DDOST: variants seen among roughly 807,000 people sequenced by gnomAD.
The protein encoded by DDOST is dolichyl-diphosphooligosaccharide--protein glycosyltransferase 48 kDa subunit.
Under a neutral mutation model 47.6 loss-of-function variants are expected in DDOST, and 25 were observed. The ratio of observed to expected loss-of-function variants is 0.53; its 90% CI spans 0.38 to 0.73. DDOST has a LOEUF of 0.73. Ranked by LOEUF, DDOST falls within the 30% of genes least tolerant of loss-of-function variation. The pLI is 0.00. For synonymous variants in DDOST, 275 were observed against 236.0 expected, an observed-to-expected ratio of 1.17 and a Z score of -1.51; for missense variants, 526 against 573.9, an observed-to-expected ratio of 0.92 and a Z score of 0.85.
Position 20,655,691 on chromosome 1 carries a change from G to A in DDOST, c.441C>T (p.Ile147=), listed in dbSNP as rs1159668224. 6.2e-7 allele frequency: 1 copy of A among 1,613,770 alleles called. No individual in the cohort carries two copies. Among genetic ancestry groups the A allele is most frequent in the African/African-American group, 1.3e-5 (1 of 74,910 alleles). ...GCCTGATTACCTGGCCAAGGTCTGA[G>A]ATGTCATAGTTGTGATGGTCAATGA... ...TAVIDHHNYD[I]SDLGQHTLIV... Residue 147 remains isoleucine (I), a synonymous_variant, in exon 4 of 11, where the codon ATC becomes ATT. Coordinates refer to ENST00000602624, the MANE Select transcript of DDOST (RefSeq NM_005216.5).
chr1:20,661,365 C>G lies in DDOST; in HGVS notation c.-15G>C. ...CTGGGCTCCATCTTCCTCCTCCTGC[C>G]GAAGGACCCAGCACGTGCACACCGG... On this transcript the variant is annotated 5_prime_UTR_variant, in exon 1 of 11. Coordinates refer to ENST00000602624, the MANE Select transcript of DDOST (RefSeq NM_005216.5). 4 of 1,612,714 alleles carry G rather than the reference C, an allele frequency of 2.5e-6. No individual in the cohort carries two copies. Among genetic ancestry groups the G allele is most frequent in the South Asian group, 1.1e-5 (1 of 90,974 alleles).
chr1:20,653,262 A>G (rs1472426521), intron 8 of DDOST, among the ~76,000 whole-genome samples: 2 of 152,224 alleles, frequency 1.3e-5, no homozygotes, highest in African/African-American at 2.4e-5. Flanking sequence ...CTGCCCCGAC[A>G]TGTGCCAGGC....
At chr1:20,659,772 A>C (rs934555149) in intron 2 of DDOST, among the ~76,000 whole-genome samples, 4 of 152,206 alleles carry the variant, frequency 2.6e-5, no homozygotes, top group Non-Finnish European at 1.5e-5. Flanking sequence ...CATGAACTAC[A>C]GAGAATAAAG....
At chr1:20,653,400 C>T (rs769169259) in intron 8 of DDOST, among the ~76,000 whole-genome samples, 1 of 152,226 alleles carries the variant, frequency 6.6e-6, no homozygotes, top group Admixed American at 6.5e-5. Flanking sequence ...CCACTGCTGC[C>T]CCCCATAGCA....
intron 2 of DDOST, among the ~76,000 whole-genome samples, chr1:20,658,149 C>G (rs2053395874): frequency 6.6e-6 from 1 of 152,260 alleles, no homozygotes; most frequent in Non-Finnish European, 1.5e-5. Flanking sequence ...AGGCAAATCC[C>G]TTCACCCTTC....
At chr1:20,657,296 C>T (rs1386706643) in intron 2 of DDOST, among the ~76,000 whole-genome samples, 2 of 152,154 alleles carry the variant, frequency 1.3e-5, no homozygotes, top group Admixed American at 6.5e-5. Flanking sequence ...AGGGACCTGC[C>T]GTGGGGAGCC....
Position 20,653,680 on chromosome 1 carries a change from G to A in DDOST, c.889C>T (p.His297Tyr). 6.2e-7 allele frequency: 1 copy of A among 1,613,908 alleles called. No homozygotes were observed. Among genetic ancestry groups the A allele is most frequent in the Non-Finnish European group, 8.5e-7 (1 of 1,179,850 alleles). ...GVLRVGPVSH[H>Y]RVGETAPPNA... ...GGTGGGGCTGTCTCGCCCACCCGAT[G>A]ATGGGACACAGGCCCCACACGGAGG... Residue 297 changes from histidine to tyrosine, a missense_variant, in exon 8 of 11, where the codon CAT (histidine) becomes TAT (tyrosine). Coordinates refer to ENST00000602624, the MANE Select transcript of DDOST (RefSeq NM_005216.5).
intron 7 of DDOST, 29 bp from the exon 8 acceptor site, chr1:20,653,803 G>A: frequency 6.2e-7 from 1 of 1,602,480 alleles, no homozygotes; most frequent in Non-Finnish European, 8.5e-7. Flanking sequence ...AGCAGCTTGG[G>A]CACCAGAGCC....
chr1:20,653,080 CAGG>C (rs1196731441), intron 8 of DDOST, 109 bp from the exon 9 acceptor site: 2 of 1,436,570 alleles, frequency 1.4e-6, no homozygotes, highest in Non-Finnish European at 1.9e-6. Flanking sequence ...CAGGAATGCC[CAGG>C]AGTTCAGAAG....
intron 1 of DDOST, 38 bp from the exon 2 acceptor site, chr1:20,661,029 C>A (rs764152311): frequency 6.5e-7 from 1 of 1,542,258 alleles, no homozygotes; most frequent in East Asian, 2.2e-5. Context: ...GAAGACGGGA[C>A]GCGAAGGGAA....
At chr1:20,654,177 C>T (rs1233592317) in intron 7 of DDOST, 46 bp downstream of exon 7, 2 of 1,548,532 alleles carry the variant, frequency 1.3e-6, no homozygotes, top group South Asian at 2.4e-5. Context: ...CATATACACA[C>T]ACTGCACCAC....
At position 20,652,067 on chromosome 1, in the gene DDOST, C is replaced by T. The variant is rs528452917; in HGVS notation, c.*312G>A. On this transcript the variant is annotated 3_prime_UTR_variant, in exon 11 of 11. Transcript: ENST00000602624. Reference sequence around the variant, plus strand: ...GTCTCGATCTCCTGACCTCGTGAGCCGCCTGCCTCGGCCTCCCAAAGTGCT... The same window carrying T: ...GTCTCGATCTCCTGACCTCGTGAGCTGCCTGCCTCGGCCTCCCAAAGTGCT... 65 of 202,368 alleles carry T rather than the reference C, an allele frequency of 3.2e-4. 1 individual carries two copies. The highest frequency in any genetic ancestry group is 6.8e-4 in the African/African-American group (29 of 42,658). 12.5% of individuals were successfully genotyped at this position (202,368 alleles called of 1,614,324 possible).
intron 2 of DDOST, among the ~76,000 whole-genome samples, chr1:20,659,152 C>T (rs575891940): frequency 7.8e-6 from 1 of 127,546 alleles, no homozygotes; most frequent in Non-Finnish European, 1.6e-5. Flanking sequence ...GCTATCATAC[C>T]TAGCCTTTTC....
At position 20,652,619 on chromosome 1, in the gene DDOST, A is replaced by G. The variant is rs759303850; in HGVS notation, c.1170+2T>C. The G allele has an allele frequency of 6.2e-7, 1 of 1,614,144 alleles. No individual in the cohort carries two copies. On this transcript the variant is annotated splice_donor_variant, in intron 10 of 10. Transcript: ENST00000602624. LOFTEE classifies it high-confidence loss of function. ...AAAACAGAAGCTGTCACCTGTGCTT[A>G]CCTGAGTGGAAGAGTACAGGTGTGT...
rs2053292184 is a variant in DDOST, at chr1:20,651,870, G to A, written c.*509C>T. 6.6e-6 allele frequency: 1 copy of A among 151,396 alleles called. No homozygotes were observed. Among genetic ancestry groups the A allele is most frequent in the South Asian group, 2.1e-4 (1 of 4,766 alleles). The allele number at this position is 151,396 out of a possible 1,614,324, so 9.4% of individuals were successfully genotyped here. ...GACAGAGTCTTAACACTGTTGCCCAGGCTGGAGTGCAATGGCGTGATCTCA... is the reference window on the plus strand; with the variant it reads ...GACAGAGTCTTAACACTGTTGCCCAAGCTGGAGTGCAATGGCGTGATCTCA... On this transcript the variant is annotated 3_prime_UTR_variant, in exon 11 of 11. Transcript: ENST00000602624.
In DDOST at chr1:20,652,972, C is replaced by A; in HGVS notation, c.943-1G>T. 3.7e-6 allele frequency: 6 copies of A among 1,614,192 alleles called. No homozygotes were observed. The highest frequency in any genetic ancestry group is 5.1e-6 in the Non-Finnish European group (6 of 1,180,012). On this transcript the variant is annotated splice_acceptor_variant, in intron 8 of 10. Transcript: ENST00000602624. LOFTEE classifies it high-confidence loss of function. ...GCTGCTGGATCACGATGCTATACTCCTGAGATAAAAGGCCAGGTTAGCCAG... is the reference window on the plus strand; with the variant it reads ...GCTGCTGGATCACGATGCTATACTCATGAGATAAAAGGCCAGGTTAGCCAG...
chr1:20,654,102 C>T, intron 7 of DDOST, 121 bp downstream of exon 7: 1 of 1,213,050 alleles, frequency 8.2e-7, no homozygotes. Context: ...TCTGACAGCA[C>T]CTGAAACACT....
In DDOST at chr1:20,652,943, G is replaced by C; in HGVS notation, c.971C>G (p.Ser324Ter). The C allele has an allele frequency of 1.2e-6, 2 of 1,614,196 alleles. No homozygotes were observed. The highest frequency in any genetic ancestry group is 1.7e-6 in the Non-Finnish European group (2 of 1,180,032). Residue 324 changes from serine (S) to a stop codon, truncating the protein, a stop_gained, in exon 9 of 11, where the codon TCA becomes TGA. Transcript: ENST00000602624. LOFTEE classifies it high-confidence loss of function. Reference sequence around the variant, plus strand: ...ATCAAAGGGGACCCATTTGCCATTTGAGAGCTGCTGGATCACGATGCTATA... The same window carrying C: ...ATCAAAGGGGACCCATTTGCCATTTCAGAGCTGCTGGATCACGATGCTATA... ...VEYSIVIQQL[S>*]NGKWVPFDGD...
Position 20,652,493 on chromosome 1 carries a change from C to T in DDOST, c.1206G>A (p.Glu402=), listed in dbSNP as rs1262965370. The T allele has an allele frequency of 4.5e-5, 73 of 1,613,892 alleles. No individual in the cohort carries two copies. The highest frequency in any genetic ancestry group is 5.6e-5 in the Non-Finnish European group (66 of 1,179,998). ...SVRPLQHTQY[E]RFIPSAYPYY... ...AGGGGTAGGCCGAGGGGATGAAGCGCTCATACTGCGTGTGCTGGAGTGGCC... is the reference window on the plus strand; with the variant it reads ...AGGGGTAGGCCGAGGGGATGAAGCGTTCATACTGCGTGTGCTGGAGTGGCC... Residue 402 remains glutamate, a synonymous_variant, in exon 11 of 11, where the codon GAG becomes GAA. Coordinates refer to ENST00000602624, the MANE Select transcript of DDOST (RefSeq NM_005216.5).
Sources: gnomAD v4.1 joint callset for allele counts (sites outside exome capture counted in the v4.1 genomes callset) on GRCh38, gnomAD v4.1.1 for gene constraint, MANE v1.5 for transcripts, NCBI Gene and HGNC (gene_info 2026-07-23, HGNC 2026-07-21) for gene names.